Variants in CRYBG1 observed in about 807,000 individuals in gnomAD.
The protein encoded by CRYBG1 is crystallin beta-gamma domain containing 1, also known as beta/gamma crystallin domain-containing protein 1.
Under a neutral mutation model 189.2 loss-of-function variants are expected in CRYBG1, and 139 were observed. The ratio of observed to expected loss-of-function variants is 0.73; its 90% confidence interval spans 0.64 to 0.85. The LOEUF (loss-of-function observed/expected upper bound fraction) is 0.85, where lower values mean the gene tolerates loss of function less well. CRYBG1 is among the 40% of genes least tolerant of loss of function. The pLI, the probability that CRYBG1 is intolerant of heterozygous loss-of-function variation, is 0.00. For synonymous variants in CRYBG1, 1,023 were observed against 1,017.1 expected (o/e 1.01, Z -0.11); for missense variants, 2,611 against 2,675.8 (o/e 0.98, Z 0.53).
In CRYBG1 at chr6:106,570,567, A is replaced by G. The variant is rs892752679; in HGVS notation, c.*2001A>G. On this transcript the variant is annotated 3_prime_UTR_variant, in exon 22 of 22. Transcript: ENST00000633556. ...TGAAGCAGGTTTGAGGGGTGCTGGT[A>G]TAATAGCAAGAAAGATTTGCTGACC... is the stretch of plus-strand genomic sequence containing the variant. 3.3e-5 allele frequency: 5 copies of G among 152,204 alleles called. No individual in the cohort carries two copies. Among genetic ancestry groups the G allele is most frequent in the African/African-American group, 1.2e-4 (5 of 41,446 alleles). 9.4% of individuals were successfully genotyped at this position (152,204 alleles called of 1,614,324 possible). A position where few individuals can be genotyped will look rare whatever the true frequency, so the allele number is the denominator to read the frequency against.
chr6:106,562,109 T>C (rs1562121009), intron 20 of CRYBG1, among the ~76,000 whole-genome samples: 1 of 151,766 alleles, frequency 6.6e-6, no homozygotes. Context: ...TGATTTTCTT[T>C]AAAAAAACAA....
In CRYBG1 at chr6:106,428,245, G is replaced by A. The variant is rs140638228; in HGVS notation, c.174-23449G>A. 1.4e-3 allele frequency among the ~76,000 whole-genome samples: 214 copies of A among 152,264 alleles called. 2 individuals carry two copies. The highest frequency in any genetic ancestry group is 4.8e-3 in the African/African-American group (198 of 41,548). On this transcript the variant is annotated intron_variant, in intron 1 of 21. Transcript: ENST00000633556. ...AAATATGTTTTTGTTGAAAGAATTAGTGAATATTTCCATTGAATTGGACAT... is the reference window on the plus strand; with the variant it reads ...AAATATGTTTTTGTTGAAAGAATTAATGAATATTTCCATTGAATTGGACAT...
intron 1 of CRYBG1, among the ~76,000 whole-genome samples, chr6:106,393,315 T>C (rs1400275358): frequency 1.3e-5 from 2 of 152,124 alleles, no homozygotes; most frequent in Non-Finnish European, 2.9e-5. Context: ...GTGCTCTCTA[T>C]AGCCCATATA....
intron 1 of CRYBG1, 159 bp from the exon 2 acceptor site, chr6:106,451,535 C>A: frequency 3.1e-6 from 2 of 644,988 alleles, no homozygotes; most frequent in Non-Finnish European, 4.8e-6. Flanking sequence ...GCTATGAGAG[C>A]GCCAAATTAT....
At chr6:106,502,697 C>T (rs1263378747) in intron 2 of CRYBG1, among the ~76,000 whole-genome samples, 1 of 152,140 alleles carries the variant, frequency 6.6e-6, no homozygotes, top group African/African-American at 2.4e-5. Context: ...ATTAGGCACA[C>T]AGTAGAATTA....
At chr6:106,462,541 G>A (rs936106749) in intron 2 of CRYBG1, among the ~76,000 whole-genome samples, 1 of 152,184 alleles carries the variant, frequency 6.6e-6, no homozygotes, top group African/African-American at 2.4e-5. Context: ...GCTGGGTTAC[G>A]TTCTCTGAGA....
chr6:106,434,774 T>C (rs1178433183), intron 1 of CRYBG1, among the ~76,000 whole-genome samples: 1 of 152,194 alleles, frequency 6.6e-6, no homozygotes, highest in South Asian at 2.1e-4. Flanking sequence ...TGTGCCAGAG[T>C]TGGCCTGCAG....
Position 106,520,330 on chromosome 6 carries a change from A to G in CRYBG1, c.3122A>G (p.Gln1041Arg), listed in dbSNP as rs73520807. Residue 1041 changes from glutamine (Q) to arginine (R), a missense_variant, in exon 4 of 22, where the codon CAG becomes CGG. Gln to Arg is a conservative substitution (Grantham distance 43, BLOSUM62 1). Around this residue, in one of 3 missense-constraint regions of CRYBG1, gnomAD observed 1,622 missense variants for 1,735.0 expected, o/e 0.93. Coordinates refer to ENST00000633556, the MANE Select transcript of CRYBG1 (RefSeq NM_001371242.2). ...PPASEKTLPI[Q>R]AQSQGSRTPL... Reference sequence around the variant, plus strand: ...GCATCAGAGAAAACTCTGCCTATTCAGGCTCAAAGTCAGGGCAGCAGAACA... The same window carrying G: ...GCATCAGAGAAAACTCTGCCTATTCGGGCTCAAAGTCAGGGCAGCAGAACA... The G allele has an allele frequency of 4.9e-4, 792 of 1,614,114 alleles. 6 individuals carry two copies. The African/African-American group carries it at 9.8e-3, about 20-fold the overall frequency.
In CRYBG1 at chr6:106,571,789, G is replaced by A. The variant is rs372073762; in HGVS notation, c.*3223G>A. ...TGAAGGAACAGCTTGAAAAAACTTC[G>A]AATTTCTACTGACTACAGACAAATC... is the stretch of plus-strand genomic sequence containing the variant. On this transcript the variant is annotated 3_prime_UTR_variant, in exon 22 of 22. Transcript: ENST00000633556. 4.0e-3 allele frequency: 1,745 copies of A among 439,254 alleles called. 8 individuals carry two copies. The highest frequency in any genetic ancestry group is 0.01 in the Middle Eastern group (15 of 1,490). 27.2% of individuals were successfully genotyped at this position (439,254 alleles called of 1,614,324 possible).
In CRYBG1 at chr6:106,512,296, G is replaced by T; in HGVS notation, c.1179G>T (p.Pro393=). ...CTGAGGGGGCACAAGTGGACGAGCC[G>T]GTCGTGATTACTCCCAGAGCGGAAG... ...SKTEGAQVDE[P]VVITPRAEDC... is the part of the protein sequence containing the mutation. The change falls in exon 3 of 22, where the codon CCG becomes CCT. Residue 393 remains proline, a synonymous_variant. Coordinates refer to ENST00000633556, the MANE Select transcript of CRYBG1 (RefSeq NM_001371242.2). 6 of 1,589,784 alleles carry T rather than the reference G, an allele frequency of 3.8e-6. No homozygotes were observed. Among genetic ancestry groups the T allele is most frequent in the Non-Finnish European group, 5.1e-6 (6 of 1,170,604 alleles).
intron 2 of CRYBG1, among the ~76,000 whole-genome samples, chr6:106,504,100 T>C (rs1353143862): frequency 2.1e-5 from 3 of 144,922 alleles, no homozygotes; most frequent in Non-Finnish European, 4.5e-5. Context: ...TATGTTGAAA[T>C]GACAGAAAAA....
chr6:106,543,853 A>T (rs1360907677), intron 11 of CRYBG1, among the ~76,000 whole-genome samples: 1 of 152,216 alleles, frequency 6.6e-6, no homozygotes, highest in Admixed American at 6.5e-5. Context: ...GGAGTTCAAG[A>T]CCAGCCTGAC....
chr6:106,388,059 TTA>T (rs1479241321), intron 1 of CRYBG1, among the ~76,000 whole-genome samples: 1 of 152,172 alleles, frequency 6.6e-6, no homozygotes, highest in Non-Finnish European at 1.5e-5. Flanking sequence ...TCCACAGTTA[TTA>T]CTGGCACTCC....
At chr6:106,372,029 G>T (rs1770049392) in intron 1 of CRYBG1, among the ~76,000 whole-genome samples, 1 of 152,276 alleles carries the variant, frequency 6.6e-6, no homozygotes, top group Admixed American at 6.5e-5. Context: ...CTACAGAGAC[G>T]CTCCTCAGGA....
In CRYBG1 at chr6:106,558,482, AC is replaced by A; in HGVS notation, c.5716-3del. 6.3e-7 allele frequency: 1 copy of A among 1,580,820 alleles called. No individual in the cohort carries two copies. Among genetic ancestry groups the A allele is most frequent in the Non-Finnish European group, 8.6e-7 (1 of 1,159,356 alleles). On this transcript the variant is annotated splice_polypyrimidine_tract_variant and splice_region_variant and intron_variant, in intron 17 of 21. Transcript: ENST00000633556. ...AACAGAACATTGTTTTTGTTCCTCA[AC>A]AGGAATTTTCTGAACCAACAATTAT...
chr6:106,447,769 G>A (rs1230211929), intron 1 of CRYBG1, among the ~76,000 whole-genome samples: 1 of 151,950 alleles, frequency 6.6e-6, no homozygotes, highest in Non-Finnish European at 1.5e-5. Flanking sequence ...CTGCCCATTC[G>A]ATAAGCCCCT....
chr6:106,467,648 G>C (rs1398745819), intron 2 of CRYBG1, among the ~76,000 whole-genome samples: 2 of 151,786 alleles, frequency 1.3e-5, no homozygotes, highest in Non-Finnish European at 2.9e-5. Context: ...GCAGTACAGA[G>C]AAATATATTT....
At chr6:106,528,335 A>C (rs1371376794) in intron 7 of CRYBG1, among the ~76,000 whole-genome samples, 1 of 152,182 alleles carries the variant, frequency 6.6e-6, no homozygotes, top group Non-Finnish European at 1.5e-5. Context: ...CATTAGTGGA[A>C]TATTTTGCCT....
intron 1 of CRYBG1, among the ~76,000 whole-genome samples, chr6:106,436,488 G>A (rs1298309085): frequency 6.6e-6 from 1 of 152,072 alleles, no homozygotes; most frequent in Non-Finnish European, 1.5e-5. Context: ...TAGAGACGGG[G>A]TTTCACCGTG....
Sources: gnomAD v4.1 joint callset for allele counts (sites outside exome capture counted in the v4.1 genomes callset) on GRCh38, gnomAD v4.1.1 for gene constraint, gnomAD v4.1.1 regional missense constraint, MANE v1.5 for transcripts, NCBI Gene and HGNC (gene_info 2026-07-23, HGNC 2026-07-21) for gene names.